The following CENPK variants were observed in gnomAD, a reference collection of about 807,000 sequenced individuals.
The protein encoded by CENPK is centromere protein K.
A neutral mutation model predicts 40.9 loss-of-function variants in CENPK; 46 were observed. That is an observed-to-expected ratio of 1.13 (90% CI 0.89 to 1.44). The LOEUF (loss-of-function observed/expected upper bound fraction) is 1.44. Ranked by LOEUF, CENPK falls within the 40% of genes most tolerant of loss-of-function variation. CENPK has a pLI of 0.00. For missense variants in CENPK, 288 were observed against 303.5 expected, an observed-to-expected ratio of 0.95 and a Z score of 0.38; for synonymous variants, 107 against 104.4, an observed-to-expected ratio of 1.02 and a Z score of -0.15.
intron 9 of CENPK, among the ~76,000 whole-genome samples, chr5:65,528,237 T>A (rs1347670563): frequency 1.3e-5 from 2 of 150,770 alleles, no homozygotes; most frequent in Non-Finnish European, 3.0e-5. Context: ...AGAGACTCTG[T>A]CCCCCCGCCC....
At chr5:65,514,228 A>ATATTTTTTTTTTTTTTTTTTTTT (rs199873665), downstream of CENPK, among the ~76,000 whole-genome samples, 1 of 61,648 alleles carries the variant, frequency 1.6e-5, no homozygotes, top group Non-Finnish European at 3.1e-5. Context: ...GCCTCACATA[A>ATATTTTTTTTTTTTTTTTTTTTT]TCTTTTTTTT....
At chr5:65,551,686 T>A in intron 4 of CENPK, 50 bp from the exon 5 acceptor site, 2 of 993,078 alleles carry the variant, frequency 2.0e-6, no homozygotes, top group African/African-American at 1.7e-5. Context: ...TCATACCTAT[T>A]CATAGATGAA....
Position 65,528,523 on chromosome 5 carries a change from G to A in CENPK, c.526C>T (p.Leu176Phe). The A allele has an allele frequency of 6.2e-7, 1 of 1,603,110 alleles. No homozygotes were observed. The highest frequency in any genetic ancestry group is 8.5e-7 in the Non-Finnish European group (1 of 1,176,526). ...MLNIKEYKEK[L>F]LSTLGEFLED... ...AGAAACTCGCCCAAGGTACTCAAGA[G>A]TTTCTCCTTATATTCTTTTATATTA... The change falls in exon 9 of 11, where the codon CTC (leucine) becomes TTC (phenylalanine). Residue 176 changes from leucine to phenylalanine, a missense_variant. Physicochemically the swap from Leu to Phe is conservative, Grantham distance 22 (BLOSUM62 0). Transcript: ENST00000396679.
chr5:65,552,669 G>A (rs1197430483), intron 3 of CENPK, 120 bp from the exon 4 acceptor site: 2 of 507,250 alleles, frequency 3.9e-6, no homozygotes, highest in Non-Finnish European at 6.9e-6. Context: ...ATCTGATGGA[G>A]AAGAGTTTAT....
intron 10 of CENPK, among the ~76,000 whole-genome samples, chr5:65,520,163 T>C (rs78899699): frequency 3.3e-5 from 5 of 152,156 alleles, no homozygotes; most frequent in South Asian, 2.1e-4. Context: ...GTCCTCATGA[T>C]AGTGAGTTCT....
At chr5:65,524,111 C>CA (rs1744235847) in intron 9 of CENPK, among the ~76,000 whole-genome samples, 1 of 152,016 alleles carries the variant, frequency 6.6e-6, no homozygotes, top group Non-Finnish European at 1.5e-5. Context: ...CACGGTGGCT[C>CA]ATGCCTGTAA....
chr5:65,521,041 T>C (rs1020269247), intron 10 of CENPK, among the ~76,000 whole-genome samples: 1 of 152,260 alleles, frequency 6.6e-6, no homozygotes, highest in Middle Eastern at 3.4e-3. Flanking sequence ...AATTGTACAA[T>C]TTCTACAACT....
chr5:65,555,461 C>T (rs1750816157), intron 2 of CENPK, among the ~76,000 whole-genome samples: 1 of 152,176 alleles, frequency 6.6e-6, no homozygotes, highest in African/African-American at 2.4e-5. Context: ...GGGATGAGAT[C>T]ATGTGGGTTT....
chr5:65,552,553 G>T lies in CENPK; in HGVS notation c.112-4C>A. On this transcript the variant is annotated splice_polypyrimidine_tract_variant and splice_region_variant and intron_variant, in intron 3 of 10. Coordinates refer to ENST00000396679, the MANE Select transcript of CENPK (RefSeq NM_022145.5). ...TAAGTGATAATTTATTCTGACACTT[G>T]ATTTAAAAAGTAAAAAAAGGCAAGT... 6.5e-7 allele frequency: 1 copy of T among 1,527,522 alleles called. No homozygotes were observed. The highest frequency in any genetic ancestry group is 1.3e-5 in the South Asian group (1 of 79,848). 94.6% of individuals were successfully genotyped at this position (1,527,522 alleles called of 1,614,324 possible). A position where few individuals can be genotyped will look rare whatever the true frequency, so the allele number is the denominator to read the frequency against.
intron 6 of CENPK, among the ~76,000 whole-genome samples, chr5:65,532,334 T>A (rs996600087): frequency 1.6e-4 from 25 of 152,116 alleles, no homozygotes; most frequent in African/African-American, 6.0e-4. Context: ...AACAAATACT[T>A]CAGGAATAAA....
chr5:65,535,726 T>C (rs1434889389), intron 6 of CENPK, among the ~76,000 whole-genome samples: 3 of 152,222 alleles, frequency 2.0e-5, no homozygotes, highest in Non-Finnish European at 2.9e-5. Flanking sequence ...TCTCTCACTT[T>C]AATAAGCTGC....
the CENPK span, among the ~76,000 whole-genome samples, chr5:65,497,290 C>G: frequency 6.6e-6 from 1 of 151,974 alleles, no homozygotes; most frequent in Admixed American, 6.6e-5. Context: ...ATCGCTTGAA[C>G]CCGGGAGATG....
At chr5:65,521,701 A>G (rs1294336042) in intron 9 of CENPK, among the ~76,000 whole-genome samples, 173 bp from the exon 10 acceptor site, 2 of 152,144 alleles carry the variant, frequency 1.3e-5, no homozygotes, top group African/African-American at 4.8e-5. Context: ...CCCGGATTCA[A>G]GTGGTTCTCT....
intron 6 of CENPK, chr5:65,541,569 C>T: frequency 2.5e-6 from 1 of 407,744 alleles, no homozygotes; most frequent in Non-Finnish European, 5.0e-6. Context: ...GACACATGTT[C>T]TTTCTTTCCA....
In CENPK at chr5:65,563,128, A is replaced by C. The variant is rs9791024; in HGVS notation, c.-172T>G. 0.31 allele frequency: 222,325 copies of C among 713,766 alleles called. 36,492 individuals are homozygous for C. The highest frequency in any genetic ancestry group is 0.37 in the South Asian group (18,821 of 51,192). The allele number at this position is 713,766 out of a possible 1,614,324, so 44.2% of individuals were successfully genotyped here. On this transcript the variant is annotated 5_prime_UTR_variant, in exon 1 of 11. Coordinates refer to ENST00000396679, the MANE Select transcript of CENPK (RefSeq NM_022145.5). ...CAGCGTCACAAACTCCAGGTCGCCTAGGCGCTGCGCAGGAAGCGCTTGCCA... is the reference window on the plus strand; with the variant it reads ...CAGCGTCACAAACTCCAGGTCGCCTCGGCGCTGCGCAGGAAGCGCTTGCCA...
intron 6 of CENPK, chr5:65,529,566 C>T (rs889548341): frequency 2.7e-4 from 46 of 170,842 alleles, no homozygotes; most frequent in Non-Finnish European, 9.9e-5. Flanking sequence ...CAGCTCACTG[C>T]AAGCTCCGCC....
intron 5 of CENPK, chr5:65,550,353 T>C (rs1048216368): frequency 2.0e-5 from 3 of 152,136 alleles, no homozygotes; most frequent in Non-Finnish European, 2.9e-5. Context: ...CTTAAAAACT[T>C]AGAAACAATT....
chr5:65,503,775 G>C, the CENPK span, among the ~76,000 whole-genome samples: 1 of 151,494 alleles, frequency 6.6e-6, no homozygotes, highest in African/African-American at 2.4e-5. Context: ...CTCTGCCTCA[G>C]CCTCCAGAGT....
Position 65,525,365 on chromosome 5 carries a change from CA to C in CENPK, c.597+3086del, listed in dbSNP as rs61483688. Among the ~76,000 whole-genome samples, 1,174 of 137,324 alleles carry C rather than the reference CA, an allele frequency of 8.5e-3. 8 individuals are homozygous for C. The highest frequency in any genetic ancestry group is 0.022 in the African/African-American group (843 of 37,720). The allele number at this position is 137,324 out of a possible 152,430, so 90.1% of individuals were successfully genotyped here. A position where few individuals can be genotyped will look rare whatever the true frequency, so the allele number is the denominator to read the frequency against. ...TGGGTAACAGAACAAGATTCCATCT[CA>C]AAAAAAAAAAAGTAAAATTACATTT... On this transcript the variant is annotated intron_variant, in intron 9 of 10. Coordinates refer to ENST00000396679, the MANE Select transcript of CENPK (RefSeq NM_022145.5).
Sources: gnomAD v4.1 joint callset for allele counts (sites outside exome capture counted in the v4.1 genomes callset) on GRCh38, gnomAD v4.1.1 for gene constraint, MANE v1.5 for transcripts, NCBI Gene and HGNC (gene_info 2026-07-23, HGNC 2026-07-21) for gene names.